The following STX8 variants were observed in gnomAD, a reference collection of about 807,000 sequenced individuals.
The protein encoded by STX8 is syntaxin-8.
Under a neutral mutation model 37.5 loss-of-function variants are expected in STX8, and 23 were observed. That is an observed-to-expected ratio of 0.61 (90% confidence interval 0.44 to 0.87). The LOEUF (loss-of-function observed/expected upper bound fraction) is 0.87. Ranked by LOEUF, STX8 falls within the 40% of genes least tolerant of loss-of-function variation. The pLI is 0.00. For missense variants in STX8, 313 were observed against 284.7 expected, an observed-to-expected ratio of 1.10 and a Z score of -0.71; for synonymous variants, 115 against 99.1, an observed-to-expected ratio of 1.16 and a Z score of -0.95.
intron 6 of STX8, among the ~76,000 whole-genome samples, chr17:9,480,919 C>G (rs534159237): frequency 2.0e-5 from 3 of 147,116 alleles, no homozygotes; most frequent in African/African-American, 8.1e-5. Context: ...GAGCCTTGCT[C>G]TGTCGCCCAG....
chr17:9,484,523 A>C (rs1286105751), intron 6 of STX8, among the ~76,000 whole-genome samples: 1 of 152,056 alleles, frequency 6.6e-6, no homozygotes, highest in African/African-American at 2.4e-5. Flanking sequence ...AGTTTAATGA[A>C]AGTATCAGAG....
At position 9,575,783 on chromosome 17, in the gene STX8, G is replaced by C. The variant is rs1235514237; in HGVS notation, c.17+9C>G. 5 of 1,544,576 alleles carry C rather than the reference G, an allele frequency of 3.2e-6. No homozygotes were observed. Among genetic ancestry groups the C allele is most frequent in the Non-Finnish European group, 4.4e-6 (5 of 1,146,150 alleles). ...CCTCCACGCACCGCCGCCCTCACCC[G>C]GGACTCACCAGGGGTCCGGTGCCAT... On this transcript the variant is annotated intron_variant, in intron 1 of 7. Transcript: ENST00000306357.
chr17:9,487,379 G>C (rs948614539), intron 6 of STX8, among the ~76,000 whole-genome samples: 2 of 152,028 alleles, frequency 1.3e-5, no homozygotes, highest in Non-Finnish European at 2.9e-5. Context: ...CTATCACTCA[G>C]ATCACAATAA....
chr17:9,384,560 C>T (rs1164611891), intron 6 of STX8, among the ~76,000 whole-genome samples: 5 of 151,948 alleles, frequency 3.3e-5, no homozygotes, highest in African/African-American at 1.2e-4. Flanking sequence ...ATGGCATGAA[C>T]CCGGGAGGCG....
At chr17:9,408,573 C>G (rs1016218464) in intron 6 of STX8, among the ~76,000 whole-genome samples, 24 of 152,128 alleles carry the variant, frequency 1.6e-4, no homozygotes, top group African/African-American at 5.8e-4. Flanking sequence ...AGAAGCCAAA[C>G]CTTGGAAGTA....
At chr17:9,393,919 CA>C (rs1912312034) in intron 6 of STX8, among the ~76,000 whole-genome samples, 1 of 152,010 alleles carries the variant, frequency 6.6e-6, no homozygotes. Context: ...AGTGGCTAAA[CA>C]AACCTACACA....
At chr17:9,476,282 G>A (rs1906100633) in intron 6 of STX8, among the ~76,000 whole-genome samples, 1 of 152,182 alleles carries the variant, frequency 6.6e-6, no homozygotes, top group Admixed American at 6.5e-5. Context: ...AAGAATCAAT[G>A]AAGAATTAGC....
At chr17:9,406,039 G>A (rs569858979) in intron 6 of STX8, among the ~76,000 whole-genome samples, 10 of 152,312 alleles carry the variant, frequency 6.6e-5, no homozygotes, top group African/African-American at 2.4e-4. Context: ...AAAGGTATAA[G>A]TGCAAGGATT....
At chr17:9,333,786 G>C (rs1011405273) in intron 7 of STX8, among the ~76,000 whole-genome samples, 1 of 152,170 alleles carries the variant, frequency 6.6e-6, no homozygotes, top group Non-Finnish European at 1.5e-5. Context: ...CATTTTGTTG[G>C]AAAACATGGA....
intron 6 of STX8, among the ~76,000 whole-genome samples, chr17:9,443,726 C>T (rs1904743016): frequency 6.6e-6 from 1 of 152,152 alleles, no homozygotes; most frequent in Admixed American, 6.5e-5. Flanking sequence ...GTCTGGAACC[C>T]CTACTCTTCT....
At chr17:9,256,283 G>T (rs555736866) in intron 7 of STX8, among the ~76,000 whole-genome samples, 1 of 152,188 alleles carries the variant, frequency 6.6e-6, no homozygotes, top group Non-Finnish European at 1.5e-5. Context: ...TTGAGTGGAG[G>T]CATCCTGATT....
Position 9,338,540 on chromosome 17 carries a change from C to T in STX8, c.643+40012G>A, listed in dbSNP as rs144893781. On this transcript the variant is annotated intron_variant, in intron 7 of 7. Coordinates refer to ENST00000306357, the MANE Select transcript of STX8 (RefSeq NM_004853.3). ...GCTGGAACTGATCTGTTTCTCAACC[C>T]TCAACTCCTGCAGCACTGTGGATGG... Among the ~76,000 whole-genome samples the T allele has an allele frequency of 2.8e-3, 423 of 152,232 alleles. 2 individuals carry two copies. Among genetic ancestry groups the T allele is most frequent in the Non-Finnish European group, 4.7e-3 (320 of 68,022 alleles).
intron 5 of STX8, among the ~76,000 whole-genome samples, chr17:9,497,521 A>G (rs935275170): frequency 1.3e-5 from 2 of 152,340 alleles, no homozygotes; most frequent in African/African-American, 4.8e-5. Context: ...TGGCATATAC[A>G]TGTGAACAGA....
At chr17:9,286,499 A>C (rs991460835) in intron 7 of STX8, among the ~76,000 whole-genome samples, 1 of 152,196 alleles carries the variant, frequency 6.6e-6, no homozygotes, top group Non-Finnish European at 1.5e-5. Context: ...CACTTAAAAA[A>C]GGTTTGGTAG....
intron 6 of STX8, among the ~76,000 whole-genome samples, chr17:9,442,597 G>A (rs962401864): frequency 2.6e-5 from 4 of 152,090 alleles, no homozygotes; most frequent in South Asian, 2.1e-4. Flanking sequence ...TTGTAGAGAC[G>A]GGGTTTCACC....
At chr17:9,381,130 T>C (rs1460126323) in intron 6 of STX8, among the ~76,000 whole-genome samples, 1 of 152,216 alleles carries the variant, frequency 6.6e-6, no homozygotes, top group African/African-American at 2.4e-5. Flanking sequence ...GGCTTTACCA[T>C]CTAGTTTTGT....
At chr17:9,357,806 A>G (rs1053993673) in intron 7 of STX8, among the ~76,000 whole-genome samples, 4 of 152,228 alleles carry the variant, frequency 2.6e-5, no homozygotes, top group East Asian at 1.9e-4. Flanking sequence ...TTATGATTGC[A>G]AAAGTACAAA....
intron 7 of STX8, among the ~76,000 whole-genome samples, chr17:9,262,868 C>T (rs1001038063): frequency 3.9e-5 from 6 of 152,168 alleles, no homozygotes; most frequent in Non-Finnish European, 5.9e-5. Flanking sequence ...CCACCACGCT[C>T]GGCCACAAAT....
intron 1 of STX8, among the ~76,000 whole-genome samples, chr17:9,569,329 G>A (rs1445155019): frequency 2.0e-5 from 3 of 152,190 alleles, no homozygotes; most frequent in Admixed American, 2.0e-4. Context: ...AACGCAGCAG[G>A]ATAAAGGGAC....
Sources: gnomAD v4.1 joint callset for allele counts (sites outside exome capture counted in the v4.1 genomes callset) on GRCh38, gnomAD v4.1.1 for gene constraint, MANE v1.5 for transcripts, NCBI Gene and HGNC (gene_info 2026-07-23, HGNC 2026-07-21) for gene names.